Variants in SLIT2 observed in about 807,000 individuals in gnomAD.
The protein encoded by SLIT2 is slit guidance ligand 2.
SLIT2 carries 41 observed loss-of-function variants against 185.7 expected under a neutral mutation model. The ratio of observed to expected loss-of-function variants is 0.22; its 90% CI spans 0.17 to 0.29. The LOEUF (loss-of-function observed/expected upper bound fraction) is 0.29. SLIT2 is among the 10% of genes least tolerant of loss of function. The probability of loss-of-function intolerance (pLI) is 1.00; values close to 1 mark genes in which losing one functional copy is unlikely to be tolerated. For synonymous variants in SLIT2, 693 were observed against 680.2 expected, an observed-to-expected ratio of 1.02 and a Z score of -0.29; for missense variants, 1,571 against 1,909.0, an observed-to-expected ratio of 0.82 and a Z score of 3.30.
At chr4:20,585,739 T>C (rs1246086783) in intron 29 of SLIT2, among the ~76,000 whole-genome samples, 2 of 152,210 alleles carry the variant, frequency 1.3e-5, no homozygotes, top group African/African-American at 2.4e-5. Context: ...CCTCACACTT[T>C]ATCATCTCTG....
At chr4:20,343,883 G>T (rs1037318988) in intron 4 of SLIT2, among the ~76,000 whole-genome samples, 5 of 150,356 alleles carry the variant, frequency 3.3e-5, no homozygotes, top group Non-Finnish European at 1.5e-5. Context: ...ATGGAGTCTC[G>T]CTCTGTTGTC....
intron 17 of SLIT2, among the ~76,000 whole-genome samples, chr4:20,533,038 A>G (rs184882955): frequency 4.3e-4 from 65 of 152,330 alleles, no homozygotes; most frequent in African/African-American, 1.5e-3. Context: ...TCTGGCAAGC[A>G]TTGTAGTAGT....
chr4:20,394,376 G>T (rs1354502828), intron 4 of SLIT2, among the ~76,000 whole-genome samples: 1 of 151,934 alleles, frequency 6.6e-6, no homozygotes, highest in Non-Finnish European at 1.5e-5. Flanking sequence ...CCTTAAATGT[G>T]AACTTATGTA....
At chr4:20,548,394 GCTATGA>G in intron 22 of SLIT2, 88 bp from the exon 23 acceptor site, 1 of 681,786 alleles carries the variant, frequency 1.5e-6, no homozygotes. Flanking sequence ...TAACAATACT[GCTATGA>G]CTATAAGAAG....
intron 4 of SLIT2, chr4:20,364,239 C>A: frequency 1.0e-6 from 1 of 983,918 alleles, no homozygotes; most frequent in South Asian, 4.7e-5. Context: ...ATAATGCATC[C>A]ACAAAGACAG....
intron 4 of SLIT2, among the ~76,000 whole-genome samples, chr4:20,417,396 T>C (rs1219657127): frequency 6.9e-6 from 1 of 144,850 alleles, no homozygotes; most frequent in Non-Finnish European, 1.5e-5. Context: ...TTCAGGACTT[T>C]ATATGCCTGC....
At chr4:20,550,401 A>G (rs939895233) in intron 24 of SLIT2, among the ~76,000 whole-genome samples, 1 of 151,658 alleles carries the variant, frequency 6.6e-6, no homozygotes, top group Non-Finnish European at 1.5e-5. Context: ...ATTAATCCTT[A>G]TATCTTATAT....
chr4:20,553,311 T>C (rs1560189813), intron 25 of SLIT2, among the ~76,000 whole-genome samples: 2 of 152,212 alleles, frequency 1.3e-5, no homozygotes, highest in Non-Finnish European at 2.9e-5. Context: ...ATACTTCTCC[T>C]ACATCACTTC....
chr4:20,279,423 C>G lies in SLIT2; in HGVS notation c.395+10542C>G, dbSNP rs181474506. On this transcript the variant is annotated intron_variant, in intron 4 of 36. Coordinates refer to ENST00000504154, the MANE Select transcript of SLIT2 (RefSeq NM_004787.4). ...TGGACTTCTTTCTTTCCTCCTTCCT[C>G]CTCATATGGGCCTCAGCTCCTCTAC... 2.6e-5 allele frequency among the ~76,000 whole-genome samples: 4 copies of G among 152,314 alleles called. No individual in the cohort carries two copies. The East Asian group carries it at 7.7e-4, about 29-fold the overall frequency.
chr4:20,464,606 G>A (rs1714137520), intron 4 of SLIT2, among the ~76,000 whole-genome samples: 1 of 152,100 alleles, frequency 6.6e-6, no homozygotes, highest in South Asian at 2.1e-4. Context: ...GTCTCACTCA[G>A]CGCACCATTG....
chr4:20,300,427 T>C (rs1369595821), intron 4 of SLIT2, among the ~76,000 whole-genome samples: 1 of 152,168 alleles, frequency 6.6e-6, no homozygotes, highest in Non-Finnish European at 1.5e-5. Context: ...TGGAATTATA[T>C]GTGCAAGAAC....
In SLIT2 at chr4:20,589,656, A is replaced by G. The variant is rs748365886; in HGVS notation, c.3101A>G (p.Glu1034Gly). The G allele has an allele frequency of 3.1e-6, 5 of 1,613,720 alleles. No homozygotes were observed. Among genetic ancestry groups the G allele is most frequent in the Admixed American group, 1.7e-5 (1 of 59,998 alleles). Residue 1034 changes from glutamate to glycine, a missense_variant, in exon 30 of 37, where the codon GAG (glutamate) becomes GGG (glycine). Physicochemically the swap from Glu to Gly is moderately conservative, Grantham distance 98. Transcript: ENST00000504154. ...TGCCCTGTTGCAGGTGAGTTGTGTG[A>G]GGAGAAGCTGGACTTCTGTGCCCAG... is the stretch of plus-strand genomic sequence containing the variant. ...CPPEYTGELCEEKLDFCAQDL... is the reference protein window; with the variant it reads ...CPPEYTGELCGEKLDFCAQDL...
intron 8 of SLIT2, chr4:20,490,698 C>G: frequency 3.8e-6 from 3 of 794,806 alleles, no homozygotes; most frequent in Non-Finnish European, 6.1e-6. Flanking sequence ...ATGGAATGTT[C>G]TCAATATGTC....
intron 9 of SLIT2, among the ~76,000 whole-genome samples, chr4:20,492,622 C>A (rs930953589): frequency 6.6e-6 from 1 of 152,108 alleles, no homozygotes; most frequent in Admixed American, 6.6e-5. Context: ...CCTCAATATT[C>A]ATTGACAAAA....
chr4:20,489,859 C>G (rs552916798), intron 8 of SLIT2: 2 of 152,288 alleles, frequency 1.3e-5, no homozygotes, highest in Non-Finnish European at 2.9e-5. Context: ...GAGGCTGAGG[C>G]GGGCGGATCA....
chr4:20,354,566 A>G (rs1041505001), intron 4 of SLIT2, among the ~76,000 whole-genome samples: 1 of 152,208 alleles, frequency 6.6e-6, no homozygotes, highest in Admixed American at 6.5e-5. Context: ...ACAAAAATAT[A>G]TAAACCTTTT....
intron 4 of SLIT2, among the ~76,000 whole-genome samples, chr4:20,437,543 A>C (rs1729433284): frequency 6.6e-6 from 1 of 152,114 alleles, no homozygotes; most frequent in Non-Finnish European, 1.5e-5. Context: ...TAAGCCAGGA[A>C]GGTAGAGGCT....
intron 4 of SLIT2, among the ~76,000 whole-genome samples, chr4:20,408,236 A>G (rs1371494971): frequency 6.6e-6 from 1 of 152,214 alleles, no homozygotes; most frequent in Non-Finnish European, 1.5e-5. Context: ...TCTAGCTCCA[A>G]GGACTCATAA....
intron 9 of SLIT2, among the ~76,000 whole-genome samples, chr4:20,501,940 G>A (rs920652680): frequency 4.6e-5 from 7 of 152,096 alleles, no homozygotes; most frequent in East Asian, 1.9e-4. Context: ...TGAAGACTTT[G>A]TGTTCATGAT....
Sources: allele counts gnomAD v4.1 joint callset (sites outside exome capture counted in the v4.1 genomes callset), GRCh38; gene constraint gnomAD v4.1.1; transcripts MANE v1.5; gene names NCBI Gene and HGNC (gene_info 2026-07-23, HGNC 2026-07-21).